PRNP: variants seen among roughly 807,000 people sequenced by gnomAD.
The protein encoded by PRNP is prion protein (Kanno blood group).
In PRNP, 15 loss-of-function variants were observed where a neutral mutation model predicts 21.3. That is an observed-to-expected ratio of 0.71 (90% CI 0.47 to 1.09). The LOEUF is 1.09. Among genes scored for constraint, PRNP ranks in the 50% least tolerant of loss-of-function variants. The pLI is 0.00. For synonymous variants in PRNP, 121 were observed against 123.1 expected, an observed-to-expected ratio of 0.98 and a Z score of 0.11; for missense variants, 285 against 340.9, an observed-to-expected ratio of 0.84 and a Z score of 1.29.
chr20:4,698,149 C>A (rs1922289860), intron 1 of PRNP, among the ~76,000 whole-genome samples: 1 of 152,100 alleles, frequency 6.6e-6, no homozygotes, highest in Non-Finnish European at 1.5e-5. Context: ...AAAGAACCTG[C>A]ACCACAGACC....
intron 1 of PRNP, among the ~76,000 whole-genome samples, chr20:4,690,843 T>G (rs1051201845): frequency 2.6e-5 from 4 of 152,080 alleles, no homozygotes; most frequent in Admixed American, 1.3e-4. Context: ...GAGAAAGAAA[T>G]AAAAAGCATC....
chr20:4,687,401 G>A (rs189307754), intron 1 of PRNP, among the ~76,000 whole-genome samples: 1 of 152,346 alleles, frequency 6.6e-6, no homozygotes, highest in African/African-American at 2.4e-5. Context: ...CCCCTGGAGG[G>A]AGAACGCTGG....
rs780030584 is a variant in PRNP, at chr20:4,699,321, G to C, written c.101G>C (p.Gly34Ala). ...CCGAAGCCTGGAGGATGGAACACTG[G>C]GGGCAGCCGATACCCGGGGCAGGGC... ...KRPKPGGWNT[G>A]GSRYPGQGSP... The change falls in exon 2 of 2, where the codon GGG (glycine) becomes GCG (alanine). Residue 34 changes from glycine (G) to alanine (A), a missense_variant. Physicochemically the swap from Gly to Ala is moderately conservative, Grantham distance 60. Transcript: ENST00000379440. The surrounding 1 kb of genome is among the most constrained non-coding windows in gnomAD (Gnocchi z 5.8). The C allele has an allele frequency of 6.2e-7, 1 of 1,614,100 alleles. No individual in the cohort carries two copies. Among genetic ancestry groups the C allele is most frequent in the Non-Finnish European group, 8.5e-7 (1 of 1,180,042 alleles).
intron 1 of PRNP, among the ~76,000 whole-genome samples, chr20:4,688,688 C>T (rs192473173): frequency 0.02 from 3,025 of 152,218 alleles, 91 homozygotes; most frequent in African/African-American, 0.066. Context: ...TATGTAACCA[C>T]TAAAAATCAT....
rs1921437524 is a variant in PRNP at position 4,686,523 on chromosome 20, G to A, written c.-11+11G>A. ...TCACGACCGAGGCAGGTAAACGCCC[G>A]GGGTGGGAGGAACGCGGGCGGGGGC... On this transcript the variant is annotated intron_variant, in intron 1 of 1. Transcript: ENST00000379440. This position sits in a 1 kb window ranked among gnomAD's most constrained non-coding sequence, Gnocchi z 6.7. 6.6e-6 allele frequency: 1 copy of A among 151,896 alleles called. No homozygotes were observed. Among genetic ancestry groups the A allele is most frequent in the Non-Finnish European group, 1.5e-5 (1 of 67,934 alleles). The allele number at this position is 151,896 out of a possible 1,614,324, so 9.4% of individuals were successfully genotyped here.
At position 4,697,513 on chromosome 20, in the gene PRNP, T is replaced by C. The variant is rs946047343; in HGVS notation, c.-10-1698T>C. On this transcript the variant is annotated intron_variant, in intron 1 of 1. Coordinates refer to ENST00000379440, the MANE Select transcript of PRNP (RefSeq NM_000311.5). The surrounding 1 kb of genome is among the most constrained non-coding windows in gnomAD (Gnocchi z 4.6). Reference sequence around the variant, plus strand: ...ATGGGAACAGCCCCACTGAGCAAACTTTAGCCACATGAGTAGCTGGAAGAA... The same window carrying C: ...ATGGGAACAGCCCCACTGAGCAAACCTTAGCCACATGAGTAGCTGGAAGAA... Among the ~76,000 whole-genome samples, 1 of 152,178 alleles carries C rather than the reference T, an allele frequency of 6.6e-6. No individual in the cohort carries two copies. The highest frequency in any genetic ancestry group is 2.4e-5 in the African/African-American group (1 of 41,436).
chr20:4,687,006 C>A (rs1202917315), intron 1 of PRNP, among the ~76,000 whole-genome samples: 1 of 151,952 alleles, frequency 6.6e-6, no homozygotes, highest in Non-Finnish European at 1.5e-5. Context: ...GCCCAGAACG[C>A]CCCTTGGCAA....
chr20:4,699,108 T>C lies in PRNP; in HGVS notation c.-10-103T>C. On this transcript the variant is annotated intron_variant, in intron 1 of 1. Transcript: ENST00000379440. This position sits in a 1 kb window ranked among gnomAD's most constrained non-coding sequence, Gnocchi z 5.8. ...TACAGGGTGGCAACAGTGTTTCTAC[T>C]GAGCAGCTGATACCATTGCTATGCA... 7.2e-7 allele frequency: 1 copy of C among 1,397,018 alleles called. No homozygotes were observed. The highest frequency in any genetic ancestry group is 1.0e-6 in the Non-Finnish European group (1 of 990,414). 86.5% of individuals were successfully genotyped at this position (1,397,018 alleles called of 1,614,324 possible). A position where few individuals can be genotyped will look rare whatever the true frequency, so the allele number is the denominator to read the frequency against.
In PRNP at chr20:4,699,757, C is replaced by T. The variant is rs755183662; in HGVS notation, c.537C>T (p.Cys179=). ...ACCAGAACAACTTTGTGCACGACTG[C>T]GTCAATATCACAATCAAGCAGCACA... ...YSNQNNFVHD[C]VNITIKQHTV... The change falls in exon 2 of 2, where the codon TGC becomes TGT. Residue 179 remains cysteine (C), a synonymous_variant. Coordinates refer to ENST00000379440, the MANE Select transcript of PRNP (RefSeq NM_000311.5). This position sits in a 1 kb window ranked among gnomAD's most constrained non-coding sequence, Gnocchi z 5.8. 6.2e-6 allele frequency: 10 copies of T among 1,613,872 alleles called. No individual in the cohort carries two copies. The highest frequency in any genetic ancestry group is 3.3e-5 in the South Asian group (3 of 91,060).
At chr20:4,688,147 T>G (rs1221286323) in intron 1 of PRNP, among the ~76,000 whole-genome samples, 1 of 152,192 alleles carries the variant, frequency 6.6e-6, no homozygotes, top group African/African-American at 2.4e-5. Context: ...AAATGATGAG[T>G]CATTTACACA....
chr20:4,696,446 G>A (rs6107516), intron 1 of PRNP, among the ~76,000 whole-genome samples: 34,552 of 152,118 alleles, frequency 0.23, 4,095 homozygotes, highest in Admixed American at 0.28. Flanking sequence ...GAGGAATGCC[G>A]TTGGTTTTCG....
chr20:4,693,076 C>A (rs1921932865), intron 1 of PRNP, among the ~76,000 whole-genome samples: 1 of 152,180 alleles, frequency 6.6e-6, no homozygotes, highest in South Asian at 2.1e-4. Flanking sequence ...CCAGGCATGA[C>A]CCTCCACCAG....
In PRNP at chr20:4,686,766, G is replaced by T. The variant is rs563776416; in HGVS notation, c.-11+254G>T. Reference sequence around the variant, plus strand: ...GGAAAGCTCCCTTTACTGCGCGTTGGGGGGCTGGGGGAGCTGGCGGAGCCC... The same window carrying T: ...GGAAAGCTCCCTTTACTGCGCGTTGTGGGGCTGGGGGAGCTGGCGGAGCCC... On this transcript the variant is annotated intron_variant, in intron 1 of 1. Transcript: ENST00000379440. This position sits in a 1 kb window ranked among gnomAD's most constrained non-coding sequence, Gnocchi z 6.7. The T allele has an allele frequency of 8.1e-4, 123 of 152,168 alleles. 1 individual carries two copies. Among genetic ancestry groups the T allele is most frequent in the Middle Eastern group, 3.4e-3 (1 of 296 alleles). The allele number at this position is 152,168 out of a possible 1,614,324, so 9.4% of individuals were successfully genotyped here.
rs1394389747 is a variant in PRNP at position 4,686,915 on chromosome 20, C to T, written c.-11+403C>T. ...AGGGCCGCCAGCGGGCTCCGCAGGG[C>T]GCGGGGCGGGGAGGGGCGCCTGGGG... On this transcript the variant is annotated intron_variant, in intron 1 of 1. Transcript: ENST00000379440. This position sits in a 1 kb window ranked among gnomAD's most constrained non-coding sequence, Gnocchi z 6.7. 6.6e-6 allele frequency among the ~76,000 whole-genome samples: 1 copy of T among 151,374 alleles called. No individual in the cohort carries two copies. The highest frequency in any genetic ancestry group is 2.4e-5 in the African/African-American group (1 of 41,268).
intron 1 of PRNP, among the ~76,000 whole-genome samples, chr20:4,696,112 G>C (rs1007808151): frequency 1.3e-5 from 2 of 151,594 alleles, no homozygotes; most frequent in Non-Finnish European, 2.9e-5. Flanking sequence ...TTTTTTTTAA[G>C]GTTGACCTTA....
chr20:4,696,050 G>A (rs1289541915), intron 1 of PRNP, among the ~76,000 whole-genome samples: 3 of 151,850 alleles, frequency 2.0e-5, no homozygotes, highest in African/African-American at 7.3e-5. Context: ...TCGTCACTGT[G>A]GTTTTGTAGT....
At chr20:4,692,481 A>C (rs138067413) in intron 1 of PRNP, among the ~76,000 whole-genome samples, 191 of 152,316 alleles carry the variant, frequency 1.3e-3, no homozygotes, top group African/African-American at 4.2e-3. Context: ...AAAGCAATAG[A>C]TTATTGTTCA....
chr20:4,701,251 A>G lies in PRNP; in HGVS notation c.*1269A>G. The G allele has an allele frequency of 6.0e-6, 1 of 167,162 alleles. No individual in the cohort carries two copies. 10.4% of individuals were successfully genotyped at this position (167,162 alleles called of 1,614,324 possible). ...TTGGCTTGCACTTTGTGAGTATTCT[A>G]TGTAAAAATATATATGTATATAAAA... is the stretch of plus-strand genomic sequence containing the variant. On this transcript the variant is annotated 3_prime_UTR_variant, in exon 2 of 2. Coordinates refer to ENST00000379440, the MANE Select transcript of PRNP (RefSeq NM_000311.5). The surrounding 1 kb of genome is among the most constrained non-coding windows in gnomAD (Gnocchi z 4.2).
In PRNP at chr20:4,697,364, C is replaced by T. The variant is rs186730804; in HGVS notation, c.-10-1847C>T. Among the ~76,000 whole-genome samples the T allele has an allele frequency of 1.6e-4, 25 of 152,224 alleles. No individual in the cohort carries two copies. The highest frequency in any genetic ancestry group is 1.2e-3 in the Admixed American group (19 of 15,290). ...CCCGCCCTAAAGGAGCCTGCACTCCCGTGGAGAACATGAATAATAAGCACA... is the reference window on the plus strand; with the variant it reads ...CCCGCCCTAAAGGAGCCTGCACTCCTGTGGAGAACATGAATAATAAGCACA... On this transcript the variant is annotated intron_variant, in intron 1 of 1. Transcript: ENST00000379440. This position sits in a 1 kb window ranked among gnomAD's most constrained non-coding sequence, Gnocchi z 4.6.
Sources: allele counts gnomAD v4.1 joint callset (sites outside exome capture counted in the v4.1 genomes callset), GRCh38; gene constraint gnomAD v4.1.1; non-coding constraint Gnocchi (gnomAD v3.1); transcripts MANE v1.5; gene names NCBI Gene and HGNC (gene_info 2026-07-23, HGNC 2026-07-21).